SLC24A2: variants seen among roughly 807,000 people sequenced by gnomAD.
SLC24A2 encodes the protein solute carrier family 24 member 2, also known as sodium/potassium/calcium exchanger 2.
SLC24A2 carries 36 observed loss-of-function variants against 62.0 expected under a neutral mutation model. That is an observed-to-expected ratio of 0.58 (90% CI 0.44 to 0.77). The LOEUF is 0.77. Ranked by LOEUF, SLC24A2 falls within the 30% of genes least tolerant of loss-of-function variation. The probability of loss-of-function intolerance (pLI) is 0.00; values close to 1 mark genes in which losing one functional copy is unlikely to be tolerated. For synonymous variants in SLC24A2, 358 were observed against 294.0 expected (o/e 1.22, Z -2.23); for missense variants, 846 against 817.9 (o/e 1.03, Z -0.42).
At chr9:20,081,680 C>G in the SLC24A2 span, among the ~76,000 whole-genome samples, 14 of 152,130 alleles carry the variant, frequency 9.2e-5, no homozygotes, top group South Asian at 2.9e-3. Context: ...GCATGTGTTA[C>G]CTAATTCTCT....
chr9:20,235,538 G>A, the SLC24A2 span, among the ~76,000 whole-genome samples: 1 of 152,216 alleles, frequency 6.6e-6, no homozygotes, highest in Non-Finnish European at 1.5e-5. Flanking sequence ...GCCATATGCG[G>A]GATATAATCT....
At chr9:19,789,109 C>T (rs1317966089), upstream of SLC24A2, among the ~76,000 whole-genome samples, 10 of 152,308 alleles carry the variant, frequency 6.6e-5, no homozygotes, top group East Asian at 1.9e-3. Flanking sequence ...CTGGGCTGTG[C>T]GCTGTGCGCT....
At position 19,599,329 on chromosome 9, in the gene SLC24A2, C is replaced by T. The variant is rs1382677822; in HGVS notation, c.1079-2050G>A. ...GCTTCCTTGGATATGATGAATGAGA[C>T]TGAAGAACAAGAACTAGGCAGAACA... On this transcript the variant is annotated intron_variant, in intron 4 of 10. Transcript: ENST00000341998. This position sits in a 1 kb window ranked among gnomAD's most constrained non-coding sequence, Gnocchi z 4.5. Among the ~76,000 whole-genome samples the T allele has an allele frequency of 2.0e-5, 3 of 152,148 alleles. No individual in the cohort carries two copies. In the East Asian group the frequency reaches 5.8e-4, roughly 29 times the overall value.
chr9:20,277,634 T>C, the SLC24A2 span, among the ~76,000 whole-genome samples: 7 of 152,218 alleles, frequency 4.6e-5, no homozygotes, highest in African/African-American at 1.7e-4. Flanking sequence ...TTTACACTAT[T>C]GGTGGGACTG....
At chr9:19,558,824 T>G (rs941064999) in intron 7 of SLC24A2, among the ~76,000 whole-genome samples, 1 of 152,212 alleles carries the variant, frequency 6.6e-6, no homozygotes, top group African/African-American at 2.4e-5. Flanking sequence ...AAAGGCGGCA[T>G]GTTTTATTTT....
At chr9:19,891,275 T>C in the SLC24A2 span, among the ~76,000 whole-genome samples, 7 of 152,228 alleles carry the variant, frequency 4.6e-5, no homozygotes, top group Admixed American at 2.6e-4. Flanking sequence ...GGTCAGAGCA[T>C]GTCACTGTCC....
At chr9:19,675,276 T>A (rs1342285816) in intron 2 of SLC24A2, among the ~76,000 whole-genome samples, 2 of 152,192 alleles carry the variant, frequency 1.3e-5, no homozygotes, top group Admixed American at 1.3e-4. Context: ...TGAAATGGAC[T>A]CTGTGAGGGT....
the SLC24A2 span, among the ~76,000 whole-genome samples, chr9:20,023,652 C>T: frequency 1.3e-5 from 2 of 152,148 alleles, no homozygotes; most frequent in South Asian, 4.1e-4. Context: ...GGAGAAAAGG[C>T]ACAATCTGTT....
Position 19,710,840 on chromosome 9 carries a change from G to T in SLC24A2, c.930+75097C>A, listed in dbSNP as rs77066149. Among the ~76,000 whole-genome samples, 714 of 152,272 alleles carry T rather than the reference G, an allele frequency of 4.7e-3. 3 individuals are homozygous for T. Among genetic ancestry groups the T allele is most frequent in the African/African-American group, 0.016 (672 of 41,548 alleles). ...CAAATCAGCCAGCTAGGAGGGTGCT[G>T]CAGGAACACAGGGACAAATGATCCT... On this transcript the variant is annotated intron_variant, in intron 2 of 10. Transcript: ENST00000341998.
At chr9:19,906,581 C>T in the SLC24A2 span, among the ~76,000 whole-genome samples, 1 of 152,106 alleles carries the variant, frequency 6.6e-6, no homozygotes, top group African/African-American at 2.4e-5. Context: ...AGACCGCTGG[C>T]AACACTAATA....
At chr9:20,095,801 C>T in the SLC24A2 span, among the ~76,000 whole-genome samples, 20 of 152,016 alleles carry the variant, frequency 1.3e-4, no homozygotes, top group Non-Finnish European at 2.4e-4. Context: ...TTCCATGTGG[C>T]TGGGGAGGCC....
At chr9:19,986,257 C>A in the SLC24A2 span, among the ~76,000 whole-genome samples, 1 of 152,070 alleles carries the variant, frequency 6.6e-6, no homozygotes, top group Non-Finnish European at 1.5e-5. Context: ...TAGCTATAAT[C>A]AAAAACTAGA....
chr9:20,069,651 C>T, the SLC24A2 span, among the ~76,000 whole-genome samples: 10 of 152,164 alleles, frequency 6.6e-5, no homozygotes, highest in African/African-American at 2.2e-4. Context: ...TTTTCGTCAC[C>T]TATGTATACA....
chr9:19,716,252 C>G (rs1465773464), intron 2 of SLC24A2, among the ~76,000 whole-genome samples: 1 of 152,188 alleles, frequency 6.6e-6, no homozygotes, highest in Non-Finnish European at 1.5e-5. Context: ...TGCACCTGTT[C>G]ACAGTATTCT....
chr9:19,837,973 C>T, the SLC24A2 span, among the ~76,000 whole-genome samples: 38 of 151,570 alleles, frequency 2.5e-4, no homozygotes, highest in African/African-American at 8.2e-4. Flanking sequence ...GAATCAATAT[C>T]GTGAAAATGG....
chr9:19,911,337 T>C, the SLC24A2 span, among the ~76,000 whole-genome samples: 1 of 152,106 alleles, frequency 6.6e-6, no homozygotes, highest in African/African-American at 2.4e-5. Flanking sequence ...TTTGGGTTGG[T>C]TCCAAGTCTT....
chr9:19,924,020 G>A, the SLC24A2 span, among the ~76,000 whole-genome samples: 3 of 152,174 alleles, frequency 2.0e-5, no homozygotes, highest in African/African-American at 7.2e-5. Context: ...ATTACAGAGA[G>A]TTGGATCATT....
At chr9:19,953,523 T>C in the SLC24A2 span, among the ~76,000 whole-genome samples, 1 of 152,098 alleles carries the variant, frequency 6.6e-6, no homozygotes, top group South Asian at 2.1e-4. Context: ...ATAGGGCAGA[T>C]ATTCTCAGAC....
the SLC24A2 span, among the ~76,000 whole-genome samples, chr9:19,937,276 C>T: frequency 6.6e-6 from 1 of 152,146 alleles, no homozygotes; most frequent in Non-Finnish European, 1.5e-5. Flanking sequence ...AAATTTCTTC[C>T]AGGGGTCTTC....
Sources: allele counts gnomAD v4.1 joint callset (sites outside exome capture counted in the v4.1 genomes callset), GRCh38; gene constraint gnomAD v4.1.1; non-coding constraint Gnocchi (gnomAD v3.1); transcripts MANE v1.5; gene names NCBI Gene and HGNC (gene_info 2026-07-23, HGNC 2026-07-21).